Variants in CD207 observed in about 807,000 individuals in gnomAD.
The protein encoded by CD207 is CD207 molecule.
In CD207, 28 loss-of-function variants were observed where a neutral mutation model predicts 31.6. That is an observed-to-expected ratio of 0.89 (90% CI 0.66 to 1.21). The LOEUF is 1.21. Ranked by LOEUF, CD207 falls within the 50% of genes most tolerant of loss-of-function variation. The probability of loss-of-function intolerance (pLI) is 0.00; values close to 1 mark genes in which losing one functional copy is unlikely to be tolerated. For synonymous variants in CD207, 168 were observed against 153.9 expected, an observed-to-expected ratio of 1.09 and a Z score of -0.68; for missense variants, 388 against 397.8, an observed-to-expected ratio of 0.98 and a Z score of 0.21.
At chr2:70,832,133 C>A (rs1677491035) in intron 4 of CD207, among the ~76,000 whole-genome samples, 1 of 152,180 alleles carries the variant, frequency 6.6e-6, no homozygotes, top group African/African-American at 2.4e-5. Context: ...TATGATAATA[C>A]CTGAATTAAA....
downstream of CD207, among the ~76,000 whole-genome samples, chr2:70,829,086 T>C (rs902499244): frequency 1.3e-5 from 2 of 152,214 alleles, no homozygotes; most frequent in South Asian, 4.1e-4. Flanking sequence ...TTCCTTTTGT[T>C]AACAGCCTCA....
At chr2:70,832,264 AG>A (rs1474945086) in intron 4 of CD207, among the ~76,000 whole-genome samples, 1 of 152,210 alleles carries the variant, frequency 6.6e-6, no homozygotes, top group East Asian at 1.9e-4. Context: ...AAGTTTGCCC[AG>A]TGAAGTTGGG....
chr2:70,834,373 C>G (rs1553400576), intron 2 of CD207, among the ~76,000 whole-genome samples: 1 of 152,034 alleles, frequency 6.6e-6, no homozygotes, highest in Non-Finnish European at 1.5e-5. Flanking sequence ...ATGAGCCCCA[C>G]CACTGTCCCC....
At chr2:70,834,086 A>G in intron 2 of CD207, 66 bp from the exon 3 acceptor site, 1 of 1,393,152 alleles carries the variant, frequency 7.2e-7, no homozygotes, top group South Asian at 1.9e-5. Flanking sequence ...GGGTGTTGTC[A>G]GGTTGATCAA....
At chr2:70,833,574 G>A (rs1388688749) in intron 3 of CD207, 72 bp downstream of exon 3, 1 of 1,459,682 alleles carries the variant, frequency 6.9e-7, no homozygotes, top group Non-Finnish European at 9.1e-7. Flanking sequence ...CAGCCCAATG[G>A]CCTCAGGTCT....
At chr2:70,833,540 C>A in intron 3 of CD207, 106 bp downstream of exon 3, 2 of 1,307,946 alleles carry the variant, frequency 1.5e-6, no homozygotes, top group Non-Finnish European at 1.0e-6. Flanking sequence ...CCCTCTTTTG[C>A]CCCCACTCTC....
chr2:70,835,403 C>G, intron 2 of CD207, 88 bp downstream of exon 2: 1 of 887,150 alleles, frequency 1.1e-6, no homozygotes, highest in Non-Finnish European at 1.8e-6. Flanking sequence ...AGGAGAAACC[C>G]GGAGAGCAGG....
rs1553399711 is a variant in CD207 at position 70,831,205 on chromosome 2, CAAGAGCGGGGAAA to C, written c.837-18_837-6del. 1.9e-6 allele frequency: 3 copies of C among 1,596,672 alleles called. No individual in the cohort carries two copies. In the African/African-American group the frequency reaches 4.1e-5, roughly 22 times the overall value. On this transcript the variant is annotated splice_region_variant and splice_polypyrimidine_tract_variant and intron_variant, in intron 5 of 5. Transcript: ENST00000410009. ...GGCTCACCTGGAATCCAGAACCTAC[CAAGAGCGGGGAAA>C]AAGATGGATTTACAAAGTGGAAAAT... is the stretch of plus-strand genomic sequence containing the variant.
At chr2:70,828,241 C>T (rs1337456375), downstream of CD207, among the ~76,000 whole-genome samples, 1 of 152,212 alleles carries the variant, frequency 6.6e-6, no homozygotes, top group Non-Finnish European at 1.5e-5. Context: ...CTGGGCGAGG[C>T]CACACTGCCA....
chr2:70,824,732 C>CA, the CD207 span, among the ~76,000 whole-genome samples: 2 of 141,982 alleles, frequency 1.4e-5, no homozygotes, highest in East Asian at 2.1e-4. Flanking sequence ...AAAAACAAAA[C>CA]AAAAAAACAA....
downstream of CD207, among the ~76,000 whole-genome samples, chr2:70,826,205 G>T: frequency 6.6e-6 from 1 of 151,944 alleles, no homozygotes; most frequent in East Asian, 1.9e-4. Context: ...CAGAAGACCA[G>T]AGTCAAGCTT....
At chr2:70,825,956 G>C (rs1160565067), downstream of CD207, among the ~76,000 whole-genome samples, 1 of 151,332 alleles carries the variant, frequency 6.6e-6, no homozygotes, top group African/African-American at 2.4e-5. Flanking sequence ...AGCCAGCCTG[G>C]GCAACATAGC....
chr2:70,833,800 G>C lies in CD207; in HGVS notation c.411C>G (p.Ile137Met). ...CTTCCCAACTTCTTGTTAAGATCTG[G>C]ATCTGTGCGTTGGCCTTCTCCACAC... ...KTSVEKANAQ[I>M]QILTRSWEEV... Residue 137 changes from isoleucine (I) to methionine (M), a missense_variant, in exon 3 of 6, where the codon ATC becomes ATG. Transcript: ENST00000410009. The C allele has an allele frequency of 1.2e-6, 2 of 1,613,922 alleles. No homozygotes were observed. Among genetic ancestry groups the C allele is most frequent in the Non-Finnish European group, 1.7e-6 (2 of 1,179,872 alleles).
Position 70,831,156 on chromosome 2 carries a change from T to G in CD207, c.881A>C (p.His294Pro). 6.2e-7 allele frequency: 1 copy of G among 1,613,912 alleles called. No individual in the cohort carries two copies. Among genetic ancestry groups the G allele is most frequent in the Non-Finnish European group, 8.5e-7 (1 of 1,179,808 alleles). Residue 294 changes from histidine (H) to proline (P), a missense_variant, in exon 6 of 6, where the codon CAC (histidine) becomes CCC (proline). By Grantham distance (77) the His-to-Pro change is moderately conservative (BLOSUM62 -2). Coordinates refer to ENST00000410009, the MANE Select transcript of CD207 (RefSeq NM_015717.5). ...TGAGGGAGCCTTTATATTGCCACAG[T>G]GTTCATTGTTCCCAGCATTGTTGGG... ...GEPNNAGNNE[H>P]CGNIKAPSLQ...
Position 70,833,911 on chromosome 2 carries a change from G to A in CD207, c.300C>T (p.Asp100=), listed in dbSNP as rs372842102. ...TCTGAACGCCAGCTGCCTCCATGCC[G>A]TCACTATTCTTTTTAATTTCAGAAT... The part of the protein sequence containing the change: ...TLDSEIKKNS[D]GMEAAGVQIQ... Residue 100 remains aspartate, a synonymous_variant, in exon 3 of 6, where the codon GAC becomes GAT. Coordinates refer to ENST00000410009, the MANE Select transcript of CD207 (RefSeq NM_015717.5). The A allele has an allele frequency of 9.6e-5, 154 of 1,597,650 alleles. No individual in the cohort carries two copies. The highest frequency in any genetic ancestry group is 2.6e-4 in the South Asian group (23 of 88,766).
At chr2:70,834,696 C>T (rs181881415) in intron 2 of CD207, among the ~76,000 whole-genome samples, 25 of 152,188 alleles carry the variant, frequency 1.6e-4, no homozygotes, top group Admixed American at 1.2e-3. Flanking sequence ...GAGGAAAATG[C>T]GATGTTAGAG....
At chr2:70,833,132 T>A in intron 3 of CD207, 81 bp from the exon 4 acceptor site, 1 of 1,369,804 alleles carries the variant, frequency 7.3e-7, no homozygotes, top group Non-Finnish European at 1.0e-6. Flanking sequence ...TTGAATGAGG[T>A]CTCAGAGACA....
At position 70,831,065 on chromosome 2, in the gene CD207, G is replaced by C. The variant is rs376932379; in HGVS notation, c.972C>G (p.Val324=). 6.2e-7 allele frequency: 1 copy of C among 1,613,714 alleles called. No individual in the cohort carries two copies. The highest frequency in any genetic ancestry group is 8.5e-7 in the Non-Finnish European group (1 of 1,179,830). Residue 324 remains valine (V), a synonymous_variant, in exon 6 of 6, where the codon GTC becomes GTG. Transcript: ENST00000410009. ...TFLFICKRPY[V]PSEP ...GCCTGTCCTGTCACGGTTCTGATGG[G>C]ACATAGGGTCGCTTACAAATGAAAA...
chr2:70,833,622 A>C (rs1553400247), intron 3 of CD207, 24 bp downstream of exon 3: 2 of 1,581,954 alleles, frequency 1.3e-6, no homozygotes, highest in East Asian at 2.3e-5. Context: ...GGTCAGCTTC[A>C]ATGTAATTTT....
Sources: gnomAD v4.1 joint callset for allele counts (sites outside exome capture counted in the v4.1 genomes callset) on GRCh38, gnomAD v4.1.1 for gene constraint, MANE v1.5 for transcripts, NCBI Gene and HGNC (gene_info 2026-07-23, HGNC 2026-07-21) for gene names.